The following IQGAP1 variants were observed in gnomAD, a reference collection of about 807,000 sequenced individuals.
The protein encoded by IQGAP1 is ras GTPase-activating-like protein IQGAP1.
IQGAP1 carries 66 observed loss-of-function variants against 215.6 expected under a neutral mutation model. That is an observed-to-expected ratio of 0.31 (90% CI 0.25 to 0.38). The LOEUF (loss-of-function observed/expected upper bound fraction) is 0.38, where lower values mean the gene tolerates loss of function less well. IQGAP1 is among the 10% of genes least tolerant of loss of function. IQGAP1 has a pLI of 1.00. For synonymous variants in IQGAP1, 772 were observed against 728.7 expected (o/e 1.06, Z -0.96); for missense variants, 1,712 against 1,997.1 (o/e 0.86, Z 2.72).
intron 11 of IQGAP1, 143 bp downstream of exon 11, chr15:90,449,786 G>T (rs887606773): frequency 1.9e-5 from 11 of 584,494 alleles, no homozygotes; most frequent in African/African-American, 5.7e-5. Flanking sequence ...TGGCAGGAGG[G>T]TTCCTCCAGT....
chr15:90,491,706 C>G, intron 34 of IQGAP1, 161 bp downstream of exon 34: 1 of 624,680 alleles, frequency 1.6e-6, no homozygotes, highest in South Asian at 2.0e-5. Flanking sequence ...GGGCCTTGCC[C>G]GACCTGAGGT....
intron 2 of IQGAP1, among the ~76,000 whole-genome samples, chr15:90,392,491 C>T (rs1964648700): frequency 6.6e-6 from 1 of 152,150 alleles, no homozygotes; most frequent in African/African-American, 2.4e-5. Flanking sequence ...ACTGAGGTGA[C>T]CTGGGGGTGA....
intron 10 of IQGAP1, among the ~76,000 whole-genome samples, chr15:90,449,047 C>A (rs1466598464): frequency 6.6e-6 from 1 of 152,076 alleles, no homozygotes; most frequent in Non-Finnish European, 1.5e-5. Context: ...AATATTTTTG[C>A]ATTCTTACGT....
chr15:90,421,902 C>T (rs1257873059), intron 2 of IQGAP1, among the ~76,000 whole-genome samples: 10 of 152,230 alleles, frequency 6.6e-5, no homozygotes, highest in Admixed American at 6.5e-4. Flanking sequence ...CTCAAGTGAT[C>T]CACCCGCGTT....
intron 5 of IQGAP1, among the ~76,000 whole-genome samples, chr15:90,435,569 T>A (rs1383104572): frequency 1.3e-5 from 2 of 152,232 alleles, no homozygotes; most frequent in Non-Finnish European, 1.5e-5. Context: ...TGCATGAGAT[T>A]TGTCCATGTT....
chr15:90,431,771 G>A lies in IQGAP1; in HGVS notation c.391-1948G>A, dbSNP rs150669854. ...TTGTTCTTAATATAATGTATAATAC[G>A]TAATTGACAATACGTATATGGTGTT... On this transcript the variant is annotated intron_variant, in intron 4 of 37. Coordinates refer to ENST00000268182, the MANE Select transcript of IQGAP1 (RefSeq NM_003870.4). 3.6e-3 allele frequency among the ~76,000 whole-genome samples: 548 copies of A among 152,196 alleles called. 2 individuals carry two copies. The highest frequency in any genetic ancestry group is 0.017 in the East Asian group (90 of 5,192).
intron 37 of IQGAP1, among the ~76,000 whole-genome samples, chr15:90,499,270 G>A (rs1037194831): frequency 6.6e-6 from 1 of 152,168 alleles, no homozygotes; most frequent in Non-Finnish European, 1.5e-5. Context: ...TGGATTTATC[G>A]CCTCCATCTC....
intron 9 of IQGAP1, among the ~76,000 whole-genome samples, chr15:90,444,464 T>G (rs909765682): frequency 6.6e-6 from 1 of 152,024 alleles, no homozygotes. Flanking sequence ...AAAATTTTTT[T>G]GAAGAGACAG....
chr15:90,484,194 G>A (rs745392847), intron 29 of IQGAP1, 26 bp from the exon 30 acceptor site: 3 of 1,604,316 alleles, frequency 1.9e-6, no homozygotes, highest in Non-Finnish European at 2.6e-6. Flanking sequence ...CCCTTTTTGG[G>A]GGGCTGCCTC....
At chr15:90,481,072 A>G (rs1395676654) in intron 26 of IQGAP1, among the ~76,000 whole-genome samples, 2 of 152,150 alleles carry the variant, frequency 1.3e-5, no homozygotes, top group African/African-American at 4.8e-5. Flanking sequence ...GAAATTTGAA[A>G]CCATTATCAT....
chr15:90,466,612 C>A (rs1439198022), intron 17 of IQGAP1, among the ~76,000 whole-genome samples, 176 bp downstream of exon 17: 9 of 150,630 alleles, frequency 6.0e-5, no homozygotes, highest in Non-Finnish European at 1.2e-4. Context: ...TTCCCCCCCC[C>A]CTTGTGGACA....
intron 15 of IQGAP1, 56 bp from the exon 16 acceptor site, chr15:90,465,943 GTA>G (rs1330531648): frequency 2.7e-5 from 36 of 1,320,576 alleles, no homozygotes; most frequent in Non-Finnish European, 3.9e-5. Flanking sequence ...TTCTTCACAT[GTA>G]TGTTACATGT....
intron 3 of IQGAP1, among the ~76,000 whole-genome samples, chr15:90,429,004 C>T (rs528366554): frequency 2.0e-5 from 3 of 152,122 alleles, no homozygotes; most frequent in South Asian, 2.1e-4. Context: ...AGGTGTGCAC[C>T]ACCACACCTG....
intron 5 of IQGAP1, among the ~76,000 whole-genome samples, chr15:90,437,108 A>C (rs1226020828): frequency 6.6e-6 from 1 of 152,224 alleles, no homozygotes; most frequent in East Asian, 1.9e-4. Flanking sequence ...GAAACTTACA[A>C]TCATGGTAGA....
intron 24 of IQGAP1, 91 bp from the exon 25 acceptor site, chr15:90,476,976 T>A (rs1388769417): frequency 2.2e-6 from 3 of 1,370,842 alleles, no homozygotes; most frequent in South Asian, 2.6e-5. Flanking sequence ...TTTTCTCATA[T>A]GTATTGTAGT....
intron 2 of IQGAP1, among the ~76,000 whole-genome samples, chr15:90,419,096 A>G (rs1302545040): frequency 6.6e-6 from 1 of 151,002 alleles, no homozygotes; most frequent in Admixed American, 6.6e-5. Context: ...TCAAGGCTGC[A>G]GTGAGCCATG....
At chr15:90,441,483 T>G in intron 7 of IQGAP1, 23 bp from the exon 8 acceptor site, 1 of 1,586,680 alleles carries the variant, frequency 6.3e-7, no homozygotes, top group Non-Finnish European at 8.6e-7. Context: ...TTTGTTGGTT[T>G]GTTTTTTTGT....
At chr15:90,480,219 TTAAAA>T (rs1966038466) in intron 26 of IQGAP1, among the ~76,000 whole-genome samples, 12 of 131,698 alleles carry the variant, frequency 9.1e-5, no homozygotes, top group East Asian at 2.2e-4. Context: ...ACCCCATATC[TTAAAA>T]AAAAAAAAAA....
At chr15:90,440,406 A>G (rs1965432077) in intron 6 of IQGAP1, 96 bp from the exon 7 acceptor site, 1 of 834,380 alleles carries the variant, frequency 1.2e-6, no homozygotes, top group East Asian at 2.7e-5. Context: ...GGTAAATGCC[A>G]TTTTATCCCA....
Sources: gnomAD v4.1 joint callset for allele counts (sites outside exome capture counted in the v4.1 genomes callset) on GRCh38, gnomAD v4.1.1 for gene constraint, MANE v1.5 for transcripts, NCBI Gene and HGNC (gene_info 2026-07-23, HGNC 2026-07-21) for gene names.